CDH13: variants seen among roughly 807,000 people sequenced by gnomAD.
CDH13 encodes cadherin 13.
In CDH13, 24 loss-of-function variants were observed where a neutral mutation model predicts 63.8. That is an observed-to-expected ratio of 0.38 (90% confidence interval 0.27 to 0.53). The LOEUF is 0.53. CDH13 is among the 20% of genes least tolerant of loss of function. CDH13 has a pLI of 0.85. For synonymous variants in CDH13, 503 were observed against 355.3 expected (o/e 1.42, Z -4.67); for missense variants, 1,049 against 903.1 (o/e 1.16, Z -2.07).
intron 4 of CDH13, among the ~76,000 whole-genome samples, chr16:83,147,699 C>A (rs556561401): frequency 1.9e-4 from 29 of 152,194 alleles, no homozygotes; most frequent in African/African-American, 6.7e-4. Flanking sequence ...CTTTCCACCC[C>A]ACTTGCGTTC....
At chr16:83,052,873 A>G (rs1442019116) in intron 3 of CDH13, among the ~76,000 whole-genome samples, 1 of 152,010 alleles carries the variant, frequency 6.6e-6, no homozygotes, top group Non-Finnish European at 1.5e-5. Flanking sequence ...TAAAAAAGCT[A>G]TTTTATAAAG....
Position 83,503,025 on chromosome 16 carries a change from C to T in CDH13, c.960+16370C>T, listed in dbSNP as rs909784642. Among the ~76,000 whole-genome samples, 42 of 152,312 alleles carry T rather than the reference C, an allele frequency of 2.8e-4. 2 individuals are homozygous for T. The highest frequency in any genetic ancestry group is 2.5e-3 in the Admixed American group (38 of 15,300). On this transcript the variant is annotated intron_variant, in intron 7 of 13. Coordinates refer to ENST00000567109, the MANE Select transcript of CDH13 (RefSeq NM_001257.5). ...ACAGCGGAGCTCGTTGGTTATGCTTCAGTTACATAAATCCAGCCTTACAAA... is the reference window on the plus strand; with the variant it reads ...ACAGCGGAGCTCGTTGGTTATGCTTTAGTTACATAAATCCAGCCTTACAAA...
intron 9 of CDH13, among the ~76,000 whole-genome samples, chr16:83,676,959 T>C (rs112392698): frequency 6.6e-6 from 1 of 152,346 alleles, no homozygotes; most frequent in East Asian, 1.9e-4. Context: ...CCTCTACAAC[T>C]GTTGTTGCTT....
At chr16:82,755,316 A>G (rs1047394048) in intron 1 of CDH13, among the ~76,000 whole-genome samples, 1 of 152,016 alleles carries the variant, frequency 6.6e-6, no homozygotes, top group Non-Finnish European at 1.5e-5. Flanking sequence ...TTCCTTTCTG[A>G]CCCTCTAGTT....
intron 6 of CDH13, among the ~76,000 whole-genome samples, chr16:83,348,761 T>A (rs1202814438): frequency 1.3e-5 from 2 of 152,302 alleles, no homozygotes; most frequent in East Asian, 3.9e-4. Context: ...GGATAGAATA[T>A]AACAGTAGCT....
intron 5 of CDH13, among the ~76,000 whole-genome samples, chr16:83,231,063 C>G (rs1198330493): frequency 2.0e-5 from 3 of 152,210 alleles, no homozygotes; most frequent in Admixed American, 1.3e-4. Context: ...AGCAAATGCT[C>G]AGAGCAAGAC....
At chr16:83,111,108 C>T (rs1025469325) in intron 3 of CDH13, among the ~76,000 whole-genome samples, 4 of 151,008 alleles carry the variant, frequency 2.6e-5, no homozygotes, top group African/African-American at 7.3e-5. Context: ...GGAGGCGGAG[C>T]TTGCAGTGAG....
intron 7 of CDH13, among the ~76,000 whole-genome samples, chr16:83,558,900 C>CA (rs2075650429): frequency 6.6e-6 from 1 of 152,168 alleles, no homozygotes; most frequent in South Asian, 2.1e-4. Flanking sequence ...TGTCCACAGT[C>CA]ACATCGGGTC....
intron 8 of CDH13, among the ~76,000 whole-genome samples, chr16:83,619,408 G>GTA (rs1369071110): frequency 2.0e-5 from 3 of 152,210 alleles, no homozygotes; most frequent in Non-Finnish European, 2.9e-5. Flanking sequence ...GGAGGTGACT[G>GTA]TATTCATTTC....
At chr16:82,715,471 C>A (rs889398228) in intron 1 of CDH13, among the ~76,000 whole-genome samples, 1 of 152,032 alleles carries the variant, frequency 6.6e-6, no homozygotes, top group Non-Finnish European at 1.5e-5. Flanking sequence ...GAGCTACGTG[C>A]GATGCTGCCT....
At chr16:83,438,545 T>C (rs558236995) in intron 6 of CDH13, among the ~76,000 whole-genome samples, 3 of 152,368 alleles carry the variant, frequency 2.0e-5, no homozygotes, top group Admixed American at 2.0e-4. Context: ...TTATTTCTAG[T>C]ACAGCTGCTA....
At chr16:83,447,053 TAAAAAAA>T (rs56692922) in intron 6 of CDH13, among the ~76,000 whole-genome samples, 2 of 64,286 alleles carry the variant, frequency 3.1e-5, no homozygotes, top group Admixed American at 2.5e-4. Flanking sequence ...TCACCCGTCT[TAAAAAAA>T]AAAAAAAAAA....
intron 1 of CDH13, among the ~76,000 whole-genome samples, chr16:82,801,896 A>G (rs1246274204): frequency 2.0e-5 from 3 of 152,204 alleles, no homozygotes; most frequent in Non-Finnish European, 4.4e-5. Flanking sequence ...AAAAGGATTT[A>G]AGTGCATTCT....
chr16:83,756,508 A>G (rs1453205278), intron 11 of CDH13, among the ~76,000 whole-genome samples: 2 of 152,242 alleles, frequency 1.3e-5, no homozygotes, highest in African/African-American at 2.4e-5. Context: ...AATGCGGCCC[A>G]ACACAAATTT....
In CDH13 at chr16:83,656,048, C is replaced by T. The variant is rs578040608; in HGVS notation, c.1102-14742C>T. 5.9e-5 allele frequency among the ~76,000 whole-genome samples: 9 copies of T among 152,260 alleles called. No individual in the cohort carries two copies. The South Asian group carries it at 1.5e-3, about 25-fold the overall frequency. On this transcript the variant is annotated intron_variant, in intron 8 of 13. Coordinates refer to ENST00000567109, the MANE Select transcript of CDH13 (RefSeq NM_001257.5). ...CTAAGGCTGGAACTTTTTCATCACC[C>T]GAGGGGAAACTTTACACCCATTAAG...
chr16:83,712,386 A>T (rs1474262129), intron 10 of CDH13, among the ~76,000 whole-genome samples: 1 of 152,182 alleles, frequency 6.6e-6, no homozygotes, highest in African/African-American at 2.4e-5. Context: ...TGAAAACAGG[A>T]TCTTTGCCCA....
chr16:82,752,275 G>A (rs1460664162), intron 1 of CDH13, among the ~76,000 whole-genome samples: 2 of 152,114 alleles, frequency 1.3e-5, no homozygotes, highest in African/African-American at 2.4e-5. Context: ...GGATTTCTCC[G>A]GACTGTTAAC....
At position 83,774,462 on chromosome 16, in the gene CDH13, T is replaced by A. The variant is rs139493677; in HGVS notation, c.1682-5506T>A. ...GTCTCAGCTCACTGCAACCTCTGCC[T>A]CTTGGGTTCAAGCGATTCTCCTGCC... On this transcript the variant is annotated intron_variant, in intron 11 of 13. Coordinates refer to ENST00000567109, the MANE Select transcript of CDH13 (RefSeq NM_001257.5). Among the ~76,000 whole-genome samples the A allele has an allele frequency of 3.1e-3, 473 of 152,262 alleles. 2 individuals are homozygous for A. The highest frequency in any genetic ancestry group is 0.011 in the African/African-American group (455 of 41,546).
intron 7 of CDH13, among the ~76,000 whole-genome samples, chr16:83,495,702 C>G (rs1310156425): frequency 6.6e-6 from 1 of 152,112 alleles, no homozygotes; most frequent in Non-Finnish European, 1.5e-5. Flanking sequence ...CAGAGTCAGG[C>G]TGGAAAGTAA....
Sources: allele counts gnomAD v4.1 joint callset (sites outside exome capture counted in the v4.1 genomes callset), GRCh38; gene constraint gnomAD v4.1.1; transcripts MANE v1.5; gene names NCBI Gene and HGNC (gene_info 2026-07-23, HGNC 2026-07-21).